The following ZC2HC1A variants were observed in gnomAD, a reference collection of about 807,000 sequenced individuals.
The protein encoded by ZC2HC1A is zinc finger C2HC domain-containing protein 1A.
In ZC2HC1A, 28 loss-of-function variants were observed where a neutral mutation model predicts 40.7. The observed-to-expected ratio is 0.69, with a 90% CI of 0.51 to 0.94. ZC2HC1A has a LOEUF of 0.94. Among genes scored for constraint, ZC2HC1A ranks in the 40% least tolerant of loss-of-function variants. The pLI, the probability that ZC2HC1A is intolerant of heterozygous loss-of-function variation, is 0.00. For missense variants in ZC2HC1A, 389 were observed against 386.3 expected (o/e 1.01, Z -0.06); for synonymous variants, 129 against 129.2 (o/e 1.00, Z 0.01).
At chr8:78,679,422 C>T (rs947274388) in intron 3 of ZC2HC1A, 1 of 152,098 alleles carries the variant, frequency 6.6e-6, no homozygotes, top group African/African-American at 2.4e-5. Context: ...GTCTAGATTA[C>T]TTATAATTTA....
At chr8:78,688,014 C>A (rs1212464464) in intron 4 of ZC2HC1A, among the ~76,000 whole-genome samples, 1 of 147,438 alleles carries the variant, frequency 6.8e-6, no homozygotes, top group Non-Finnish European at 1.5e-5. Flanking sequence ...ATGAGCATGG[C>A]TGTGTTTCCG....
In ZC2HC1A at chr8:78,693,950, T is replaced by C. The variant is rs984480815; in HGVS notation, c.505-3457T>C. On this transcript the variant is annotated intron_variant, in intron 5 of 8. Coordinates refer to ENST00000263849, the MANE Select transcript of ZC2HC1A (RefSeq NM_016010.3). The stretch of plus-strand genomic sequence containing the variant: ...GGATCCAGTTTCAGCTTTCTACATA[T>C]GGCTAGCCAGTTTTCCCAGCACCAT... Among the ~76,000 whole-genome samples the C allele has an allele frequency of 3.9e-5, 6 of 152,324 alleles. No homozygotes were observed. The East Asian group carries it at 1.2e-3, about 29-fold the overall frequency.
intron 1 of ZC2HC1A, among the ~76,000 whole-genome samples, 155 bp downstream of exon 1, chr8:78,666,319 G>C (rs1360968660): frequency 2.0e-5 from 3 of 152,206 alleles, no homozygotes; most frequent in Non-Finnish European, 4.4e-5. Flanking sequence ...GAAGGGAACC[G>C]GACAGTCCCC....
intron 7 of ZC2HC1A, 80 bp from the exon 8 acceptor site, chr8:78,715,141 T>C (rs551627177): frequency 8.1e-7 from 1 of 1,227,874 alleles, no homozygotes; most frequent in East Asian, 2.4e-5. Flanking sequence ...AAGTATTCTT[T>C]CTAGTCATGT....
At chr8:78,694,222 G>A (rs566950516) in intron 5 of ZC2HC1A, among the ~76,000 whole-genome samples, 1 of 149,930 alleles carries the variant, frequency 6.7e-6, no homozygotes, top group East Asian at 1.9e-4. Context: ...AGTACTCATA[G>A]TTGTTTGTAA....
intron 7 of ZC2HC1A, 76 bp from the exon 8 acceptor site, chr8:78,715,145 G>T: frequency 8.0e-7 from 1 of 1,255,716 alleles, no homozygotes; most frequent in Non-Finnish European, 1.1e-6. Flanking sequence ...ATTCTTTCTA[G>T]TCATGTGAAT....
At chr8:78,682,919 C>A (rs1195331722) in intron 3 of ZC2HC1A, among the ~76,000 whole-genome samples, 1 of 152,196 alleles carries the variant, frequency 6.6e-6, no homozygotes, top group Non-Finnish European at 1.5e-5. Flanking sequence ...AAAGGGGCCA[C>A]AGGCTCCATG....
intron 5 of ZC2HC1A, among the ~76,000 whole-genome samples, chr8:78,691,871 T>A (rs906422477): frequency 1.3e-5 from 2 of 152,176 alleles, no homozygotes; most frequent in East Asian, 3.8e-4. Flanking sequence ...TGTATTGTTA[T>A]ACTTACTGCC....
intron 8 of ZC2HC1A, among the ~76,000 whole-genome samples, chr8:78,716,026 C>T (rs530981385): frequency 5.4e-5 from 7 of 128,880 alleles, no homozygotes; most frequent in East Asian, 2.2e-4. Flanking sequence ...AGTGACAGAG[C>T]GAGACTCCAT....
chr8:78,679,310 G>T (rs1264913976), intron 3 of ZC2HC1A: 4 of 152,034 alleles, frequency 2.6e-5, no homozygotes, highest in East Asian at 1.9e-4. Context: ...GTGGGAGATT[G>T]GTTCCAGGGA....
chr8:78,712,160 C>A, intron 7 of ZC2HC1A: 2 of 1,055,148 alleles, frequency 1.9e-6, no homozygotes, highest in Non-Finnish European at 2.5e-6. Flanking sequence ...TCCTTAAAAG[C>A]TTTATATAAT....
intron 1 of ZC2HC1A, among the ~76,000 whole-genome samples, chr8:78,668,566 C>T (rs1809363708): frequency 6.6e-6 from 1 of 151,914 alleles, no homozygotes; most frequent in South Asian, 2.1e-4. Context: ...TAATCATATA[C>T]CATTTGTTTT....
chr8:78,716,910 C>G (rs1811124815), intron 8 of ZC2HC1A, among the ~76,000 whole-genome samples: 1 of 152,102 alleles, frequency 6.6e-6, no homozygotes, highest in African/African-American at 2.4e-5. Context: ...CCTCCTGCTC[C>G]CACCATGTAA....
rs540957178 is a variant in ZC2HC1A at position 78,709,738 on chromosome 8, T to G, written c.705-5483T>G. ...ATGAACTAAAAAAAAAAAAAAAAAT[T>G]TCATAATGTTTTAAGAAAGTTTACG... On this transcript the variant is annotated intron_variant, in intron 7 of 8. Transcript: ENST00000263849. 1.3e-4 allele frequency among the ~76,000 whole-genome samples: 20 copies of G among 151,980 alleles called. No individual in the cohort carries two copies. In the South Asian group the frequency reaches 4.2e-3, roughly 32 times the overall value.
At position 78,666,122 on chromosome 8, in the gene ZC2HC1A, T is replaced by G; in HGVS notation, c.-27T>G. ...GCGGTGGCGGGCGCTGCTGAAGGAG[T>G]CTCGCTGAGCTCGAGGAGGTGGCGC... On this transcript the variant is annotated 5_prime_UTR_variant, in exon 1 of 9. Coordinates refer to ENST00000263849, the MANE Select transcript of ZC2HC1A (RefSeq NM_016010.3). The G allele has an allele frequency of 1.3e-6, 2 of 1,562,736 alleles. No homozygotes were observed. The highest frequency in any genetic ancestry group is 1.7e-6 in the Non-Finnish European group (2 of 1,153,726).
At chr8:78,716,713 G>T (rs1032947200) in intron 8 of ZC2HC1A, among the ~76,000 whole-genome samples, 5 of 152,088 alleles carry the variant, frequency 3.3e-5, no homozygotes, top group African/African-American at 1.2e-4. Context: ...GATGGAAAGC[G>T]ATGTGGTTTG....
chr8:78,697,327 A>C (rs1195591689), intron 5 of ZC2HC1A, 80 bp from the exon 6 acceptor site: 3 of 1,149,010 alleles, frequency 2.6e-6, no homozygotes, highest in Non-Finnish European at 3.7e-6. Context: ...AAACCCAAAG[A>C]ATGTTAAGTT....
At chr8:78,687,841 ATATATATTTATATAATATATATC>A (rs1335233663) in intron 4 of ZC2HC1A, among the ~76,000 whole-genome samples, 4 of 106,748 alleles carry the variant, frequency 3.7e-5, no homozygotes, top group Non-Finnish European at 4.2e-5. Flanking sequence ...AATAAATTAT[ATATATATTTATATAATATATATC>A]TATATAATAA....
At chr8:78,687,512 A>C (rs1384645136) in intron 4 of ZC2HC1A, among the ~76,000 whole-genome samples, 1 of 142,580 alleles carries the variant, frequency 7.0e-6, no homozygotes, top group Non-Finnish European at 1.5e-5. Context: ...TAAATTATAT[A>C]TATTTATATA....
Sources: gnomAD v4.1 joint callset for allele counts (sites outside exome capture counted in the v4.1 genomes callset) on GRCh38, gnomAD v4.1.1 for gene constraint, MANE v1.5 for transcripts, NCBI Gene and HGNC (gene_info 2026-07-23, HGNC 2026-07-21) for gene names.